Variants in SND1 observed in about 807,000 individuals in gnomAD.
SND1 encodes the protein staphylococcal nuclease domain-containing protein 1.
A neutral mutation model predicts 121.7 loss-of-function variants in SND1; 38 were observed. That is an observed-to-expected ratio of 0.31 (90% CI 0.24 to 0.41). The LOEUF is 0.41. SND1 is among the 10% of genes least tolerant of loss of function. The probability of loss-of-function intolerance (pLI) is 1.00; values close to 1 mark genes in which losing one functional copy is unlikely to be tolerated. For missense variants in SND1, 868 were observed against 1,184.6 expected (o/e 0.73, Z 3.92); for synonymous variants, 401 against 447.4 (o/e 0.90, Z 1.31).
intron 11 of SND1, among the ~76,000 whole-genome samples, chr7:127,813,952 C>T (rs1053946438): frequency 1.3e-5 from 2 of 152,140 alleles, no homozygotes; most frequent in South Asian, 4.1e-4. Flanking sequence ...TTTTCAACTG[C>T]GTTCCTGGAA....
chr7:128,010,775 A>C (rs1803097248), intron 16 of SND1, among the ~76,000 whole-genome samples: 1 of 152,190 alleles, frequency 6.6e-6, no homozygotes, highest in African/African-American at 2.4e-5. Context: ...AAGTATGCAG[A>C]TCTCCATGCT....
At chr7:127,841,860 A>G (rs1001849516) in intron 11 of SND1, among the ~76,000 whole-genome samples, 3 of 152,318 alleles carry the variant, frequency 2.0e-5, no homozygotes, top group Admixed American at 2.0e-4. Flanking sequence ...ATTTAAAGCT[A>G]GGTATCTAAT....
chr7:128,082,130 G>T (rs542225556), intron 18 of SND1, among the ~76,000 whole-genome samples: 57 of 152,328 alleles, frequency 3.7e-4, no homozygotes, highest in African/African-American at 1.3e-3. Context: ...GTTTCTGGAG[G>T]CCAAAGGGCA....
chr7:127,767,224 C>G (rs895068870), intron 10 of SND1, among the ~76,000 whole-genome samples: 3 of 152,126 alleles, frequency 2.0e-5, no homozygotes, highest in Non-Finnish European at 4.4e-5. Context: ...GTATCCCTTC[C>G]CCCATCCCTT....
At chr7:127,815,505 G>A (rs1321315347) in intron 11 of SND1, among the ~76,000 whole-genome samples, 5 of 151,984 alleles carry the variant, frequency 3.3e-5, no homozygotes, top group Non-Finnish European at 7.4e-5. Flanking sequence ...GAAGAAGGAG[G>A]AGGAGGAGGG....
chr7:127,933,685 C>T (rs1011447647), intron 15 of SND1, among the ~76,000 whole-genome samples: 8 of 152,214 alleles, frequency 5.3e-5, no homozygotes, highest in African/African-American at 1.9e-4. Context: ...TATGATCCTT[C>T]CCCTTGCAAA....
chr7:127,756,342 T>A (rs925618038), intron 10 of SND1, among the ~76,000 whole-genome samples: 15 of 152,338 alleles, frequency 9.8e-5, no homozygotes, highest in African/African-American at 2.6e-4. Flanking sequence ...TAGGATTGAT[T>A]AGCTATGTTT....
At chr7:127,892,346 GGAA>G (rs1370035660) in intron 13 of SND1, among the ~76,000 whole-genome samples, 1 of 152,060 alleles carries the variant, frequency 6.6e-6, no homozygotes, top group African/African-American at 2.4e-5. Context: ...AGACAGAGGG[GGAA>G]GAAGAATACC....
rs573789893 is a variant in SND1 at position 127,778,253 on chromosome 7, G to C, written c.1153-29231G>C. The stretch of plus-strand genomic sequence containing the variant: ...CTCTGTCGCCAGGCTGGAGTGCAGT[G>C]GTGTGATCTCGGCTCACTGCAACCT... On this transcript the variant is annotated intron_variant, in intron 10 of 23. Transcript: ENST00000354725. Among the ~76,000 whole-genome samples the C allele has an allele frequency of 4.0e-5, 6 of 151,776 alleles. No homozygotes were observed. In the East Asian group the frequency reaches 1.2e-3, roughly 30 times the overall value.
chr7:127,841,702 A>G (rs1054497578), intron 11 of SND1, among the ~76,000 whole-genome samples: 2 of 151,986 alleles, frequency 1.3e-5, no homozygotes, highest in African/African-American at 2.4e-5. Flanking sequence ...TTTTTGGCCT[A>G]TATTAACTCT....
chr7:127,989,637 C>A (rs1367967264), intron 15 of SND1, among the ~76,000 whole-genome samples: 1 of 152,042 alleles, frequency 6.6e-6, no homozygotes, highest in Non-Finnish European at 1.5e-5. Context: ...TAAAAGGTAG[C>A]ACCTCTTAGT....
chr7:128,032,320 C>G (rs1792648891), intron 16 of SND1, among the ~76,000 whole-genome samples: 1 of 150,832 alleles, frequency 6.6e-6, no homozygotes, highest in South Asian at 2.1e-4. Context: ...CCTCCCCCCT[C>G]CCCCCTCCCC....
chr7:127,728,027 T>G (rs539571009), intron 10 of SND1, among the ~76,000 whole-genome samples: 1 of 152,248 alleles, frequency 6.6e-6, no homozygotes, highest in South Asian at 2.1e-4. Context: ...GGTCAAGACA[T>G]TTGGTATCTG....
At chr7:127,735,927 G>A (rs992036912) in intron 10 of SND1, among the ~76,000 whole-genome samples, 1 of 152,182 alleles carries the variant, frequency 6.6e-6, no homozygotes, top group Non-Finnish European at 1.5e-5. Context: ...ACCGTGCCCA[G>A]CCTGACCTGT....
intron 13 of SND1, among the ~76,000 whole-genome samples, chr7:127,898,573 A>C (rs1431842250): frequency 1.3e-5 from 2 of 152,170 alleles, no homozygotes; most frequent in African/African-American, 4.8e-5. Context: ...GAAAAACCAT[A>C]TTCCTCAATG....
At chr7:128,089,881 G>A (rs1793748657) in intron 22 of SND1, 189 bp downstream of exon 22, 1 of 601,938 alleles carries the variant, frequency 1.7e-6, no homozygotes, top group African/African-American at 1.9e-5. Flanking sequence ...CAAATTAATT[G>A]GCTGCGGGTT....
At chr7:127,737,344 G>A (rs1796795298) in intron 10 of SND1, among the ~76,000 whole-genome samples, 1 of 152,338 alleles carries the variant, frequency 6.6e-6, no homozygotes, top group South Asian at 2.1e-4. Flanking sequence ...GGAGGCCAAG[G>A]CAGGTGGATC....
At chr7:127,995,356 A>G (rs1445083955) in intron 16 of SND1, among the ~76,000 whole-genome samples, 1 of 152,242 alleles carries the variant, frequency 6.6e-6, no homozygotes, top group Non-Finnish European at 1.5e-5. Context: ...CCTGACCCAC[A>G]TACAGCTGAC....
intron 16 of SND1, chr7:128,027,813 C>T (rs1803522348): frequency 6.6e-6 from 1 of 152,016 alleles, no homozygotes; most frequent in Non-Finnish European, 1.5e-5. Context: ...TCCCACCCCC[C>T]TGCTGCCGCA....
Sources: gnomAD v4.1 joint callset for allele counts (sites outside exome capture counted in the v4.1 genomes callset) on GRCh38, gnomAD v4.1.1 for gene constraint, MANE v1.5 for transcripts, NCBI Gene and HGNC (gene_info 2026-07-23, HGNC 2026-07-21) for gene names.